Variants in MSRA observed in about 807,000 individuals in gnomAD.
MSRA encodes methionine sulfoxide reductase A.
In MSRA, 54 loss-of-function variants were observed where a neutral mutation model predicts 31.3. That is an observed-to-expected ratio of 1.73 (90% confidence interval 1.39 to 2.17). The LOEUF is 2.17. MSRA is among the 30% of genes most tolerant of loss of function. MSRA has a pLI of 0.00. For synonymous variants in MSRA, 169 were observed against 116.5 expected, an observed-to-expected ratio of 1.45 and a Z score of -2.90; for missense variants, 507 against 300.9, an observed-to-expected ratio of 1.69 and a Z score of -5.07.
intron 2 of MSRA, among the ~76,000 whole-genome samples, chr8:10,228,104 G>C (rs1811156779): frequency 6.6e-6 from 1 of 152,080 alleles, no homozygotes; most frequent in African/African-American, 2.4e-5. Flanking sequence ...TGTGTCCGTG[G>C]CCAGGGTCTG....
At position 10,373,034 on chromosome 8, in the gene MSRA, C is replaced by A. The variant is rs1009900326; in HGVS notation, c.543+53045C>A. Among the ~76,000 whole-genome samples the A allele has an allele frequency of 2.6e-5, 4 of 152,202 alleles. No individual in the cohort carries two copies. The South Asian group carries it at 6.2e-4, about 24-fold the overall frequency. On this transcript the variant is annotated intron_variant, in intron 5 of 5. Transcript: ENST00000317173. ...CCTCCCAAGTAGCTGGGATTACAGGCATGGCATTTACCACACCAGCTAATT... is the reference window on the plus strand; with the variant it reads ...CCTCCCAAGTAGCTGGGATTACAGGAATGGCATTTACCACACCAGCTAATT...
intron 3 of MSRA, among the ~76,000 whole-genome samples, chr8:10,273,238 C>A (rs1455359920): frequency 6.6e-6 from 1 of 152,124 alleles, no homozygotes; most frequent in Non-Finnish European, 1.5e-5. Context: ...TGGTATTCTT[C>A]CAACTTATTC....
chr8:10,328,776 T>G (rs1191007388), intron 5 of MSRA, among the ~76,000 whole-genome samples: 2 of 152,154 alleles, frequency 1.3e-5, no homozygotes, highest in African/African-American at 4.8e-5. Context: ...TCAAGAACTT[T>G]CCAGAGAACT....
At chr8:10,117,882 G>A (rs1800801142) in intron 1 of MSRA, among the ~76,000 whole-genome samples, 1 of 152,118 alleles carries the variant, frequency 6.6e-6, no homozygotes, top group South Asian at 2.1e-4. Flanking sequence ...AAAATCCTGG[G>A]TCCCAACTTC....
chr8:10,133,824 G>T (rs560033895), intron 1 of MSRA, among the ~76,000 whole-genome samples: 222 of 151,488 alleles, frequency 1.5e-3, no homozygotes, highest in Non-Finnish European at 1.7e-3. Context: ...GTTTTTTTTT[G>T]TTGTTGTTCT....
chr8:10,367,095 C>T (rs1805210113), intron 5 of MSRA, among the ~76,000 whole-genome samples: 1 of 152,180 alleles, frequency 6.6e-6, no homozygotes, highest in South Asian at 2.1e-4. Flanking sequence ...TTCTGAGCAG[C>T]TTGATGAAAT....
chr8:10,179,088 C>G (rs953084793), intron 1 of MSRA, among the ~76,000 whole-genome samples: 1 of 152,180 alleles, frequency 6.6e-6, no homozygotes, highest in Non-Finnish European at 1.5e-5. Flanking sequence ...GAGTTCAGTT[C>G]ACTGATGACT....
intron 4 of MSRA, among the ~76,000 whole-genome samples, chr8:10,314,108 A>T (rs904394642): frequency 6.6e-6 from 1 of 152,242 alleles, no homozygotes; most frequent in African/African-American, 2.4e-5. Context: ...TAAACAAGAC[A>T]CAAAAGCACT....
chr8:10,351,526 A>C (rs1255744423), intron 5 of MSRA, among the ~76,000 whole-genome samples: 1 of 152,220 alleles, frequency 6.6e-6, no homozygotes, highest in Non-Finnish European at 1.5e-5. Context: ...TGCTGGGATT[A>C]TAGGCGTGAG....
intron 3 of MSRA, among the ~76,000 whole-genome samples, chr8:10,267,256 G>A (rs573382899): frequency 6.6e-6 from 1 of 152,318 alleles, no homozygotes; most frequent in Admixed American, 6.5e-5. Flanking sequence ...CAAACAATGT[G>A]GAGCACGGGC....
chr8:10,184,017 T>A (rs200717545), intron 1 of MSRA, among the ~76,000 whole-genome samples: 1 of 54,122 alleles, frequency 1.8e-5, no homozygotes, highest in Admixed American at 1.8e-4. Context: ...GGTGGTGGTG[T>A]TGGTGGTGTT....
At chr8:10,300,277 A>G (rs548788519) in intron 3 of MSRA, among the ~76,000 whole-genome samples, 166 of 151,528 alleles carry the variant, frequency 1.1e-3, no homozygotes, top group African/African-American at 3.6e-3. Flanking sequence ...TTTCTTTGAG[A>G]TGGAGTCTCA....
chr8:10,240,858 G>A (rs1190117880), intron 2 of MSRA, among the ~76,000 whole-genome samples: 2 of 151,826 alleles, frequency 1.3e-5, no homozygotes, highest in African/African-American at 2.4e-5. Flanking sequence ...CCCCAAATCG[G>A]CCTTTCTCTC....
At chr8:10,130,631 G>A (rs553816687) in intron 1 of MSRA, among the ~76,000 whole-genome samples, 2 of 152,144 alleles carry the variant, frequency 1.3e-5, no homozygotes, top group Non-Finnish European at 2.9e-5. Flanking sequence ...CACAGAGACC[G>A]CACATACAAA....
intron 1 of MSRA, among the ~76,000 whole-genome samples, chr8:10,207,370 A>T (rs1296151600): frequency 6.6e-6 from 1 of 152,142 alleles, no homozygotes. Flanking sequence ...GTGTTTTTTG[A>T]AAAATTGCTC....
chr8:10,221,459 T>C (rs574462907), intron 2 of MSRA, among the ~76,000 whole-genome samples: 2 of 151,580 alleles, frequency 1.3e-5, no homozygotes, highest in Non-Finnish European at 2.9e-5. Flanking sequence ...TATATATTTG[T>C]TCTTTACACT....
chr8:10,068,691 G>A (rs1797582840), intron 1 of MSRA, among the ~76,000 whole-genome samples: 1 of 152,188 alleles, frequency 6.6e-6, no homozygotes, highest in Admixed American at 6.5e-5. Context: ...TTCTTTTGCT[G>A]ATTGTTGAAG....
At chr8:10,375,362 C>G (rs1805701514) in intron 5 of MSRA, among the ~76,000 whole-genome samples, 1 of 152,236 alleles carries the variant, frequency 6.6e-6, no homozygotes, top group Non-Finnish European at 1.5e-5. Context: ...ATCTTTGGCC[C>G]TGAAGGTAGA....
At chr8:10,421,578 G>C (rs536682695) in intron 5 of MSRA, among the ~76,000 whole-genome samples, 4 of 152,038 alleles carry the variant, frequency 2.6e-5, no homozygotes, top group Non-Finnish European at 5.9e-5. Flanking sequence ...TCGTAAGCTT[G>C]TTAGCAGGCT....
Sources: gnomAD v4.1 joint callset for allele counts (sites outside exome capture counted in the v4.1 genomes callset) on GRCh38, gnomAD v4.1.1 for gene constraint, MANE v1.5 for transcripts, NCBI Gene and HGNC (gene_info 2026-07-23, HGNC 2026-07-21) for gene names.